Variants in EPHA5 observed in about 807,000 individuals in gnomAD.
The protein encoded by EPHA5 is ephrin type-A receptor 5.
Under a neutral mutation model 105.0 loss-of-function variants are expected in EPHA5, and 60 were observed. The observed-to-expected ratio is 0.57, with a 90% CI of 0.46 to 0.71. The LOEUF (loss-of-function observed/expected upper bound fraction) is 0.71, where lower values mean the gene tolerates loss of function less well. EPHA5 is among the 30% of genes least tolerant of loss of function. The pLI is 0.00. For missense variants in EPHA5, 1,218 were observed against 1,274.7 expected (o/e 0.96, Z 0.68); for synonymous variants, 513 against 449.1 (o/e 1.14, Z -1.80).
chr4:65,354,058 A>T (rs1487862161), intron 11 of EPHA5, among the ~76,000 whole-genome samples: 1 of 151,778 alleles, frequency 6.6e-6, no homozygotes, highest in South Asian at 2.1e-4. Context: ...GGGCAAGTCA[A>T]TTCTTATCTC....
At chr4:65,541,238 A>T (rs1238876575) in intron 3 of EPHA5, among the ~76,000 whole-genome samples, 3 of 151,808 alleles carry the variant, frequency 2.0e-5, no homozygotes, top group Non-Finnish European at 3.0e-5. Flanking sequence ...ATAGGATAAA[A>T]TTCACATATA....
At chr4:65,636,812 C>T (rs1747161925) in intron 2 of EPHA5, among the ~76,000 whole-genome samples, 4 of 151,994 alleles carry the variant, frequency 2.6e-5, no homozygotes, top group Admixed American at 1.3e-4. Context: ...GCCTTTTTCT[C>T]CTTGATTCTT....
chr4:65,355,847 G>A (rs974373746), intron 11 of EPHA5, among the ~76,000 whole-genome samples: 1 of 151,530 alleles, frequency 6.6e-6, no homozygotes, highest in African/African-American at 2.4e-5. Context: ...GAGTCAAAGG[G>A]TATGTACCTG....
At chr4:65,455,567 T>C (rs1480492356) in intron 5 of EPHA5, among the ~76,000 whole-genome samples, 1 of 152,196 alleles carries the variant, frequency 6.6e-6, no homozygotes, top group Non-Finnish European at 1.5e-5. Context: ...GCAATATCAA[T>C]GCATTCATAA....
intron 3 of EPHA5, among the ~76,000 whole-genome samples, chr4:65,525,412 T>C (rs2149289529): frequency 6.6e-6 from 1 of 151,934 alleles, no homozygotes; most frequent in African/African-American, 2.4e-5. Context: ...ATATAGCCTT[T>C]TATATATGAG....
intron 7 of EPHA5, among the ~76,000 whole-genome samples, chr4:65,405,137 A>G (rs893328224): frequency 6.6e-6 from 1 of 152,212 alleles, no homozygotes; most frequent in African/African-American, 2.4e-5. Flanking sequence ...CCTACTCTTT[A>G]TATACATAGA....
At chr4:65,399,452 C>A (rs959917861) in intron 8 of EPHA5, among the ~76,000 whole-genome samples, 1 of 152,182 alleles carries the variant, frequency 6.6e-6, no homozygotes, top group Non-Finnish European at 1.5e-5. Flanking sequence ...GCCTAACAGG[C>A]CTGAGCAAAA....
At chr4:65,474,750 T>C (rs1467917311) in intron 5 of EPHA5, among the ~76,000 whole-genome samples, 4 of 152,206 alleles carry the variant, frequency 2.6e-5, no homozygotes, top group African/African-American at 9.6e-5. Flanking sequence ...GAACGGTTAA[T>C]TATTAATAAA....
intron 2 of EPHA5, among the ~76,000 whole-genome samples, chr4:65,640,263 A>G (rs373867572): frequency 2.0e-5 from 3 of 149,328 alleles, no homozygotes; most frequent in African/African-American, 7.4e-5. Flanking sequence ...TAGACATTGA[A>G]GTCATTGCTC....
At chr4:65,624,115 C>A (rs1227084347) in intron 2 of EPHA5, among the ~76,000 whole-genome samples, 1 of 151,870 alleles carries the variant, frequency 6.6e-6, no homozygotes. Context: ...TGATACAGAT[C>A]AGAGAATAGG....
At position 65,530,179 on chromosome 4, in the gene EPHA5, T is replaced by C. The variant is rs111589212; in HGVS notation, c.911-34636A>G. Among the ~76,000 whole-genome samples, 818 of 152,158 alleles carry C rather than the reference T, an allele frequency of 5.4e-3. 8 individuals carry two copies. The highest frequency in any genetic ancestry group is 0.019 in the African/African-American group (777 of 41,528). ...GGAGGAAACTCAAGAACAACTTTTATAGAAAAAATATATGGAACTACTGGG... is the reference window on the plus strand; with the variant it reads ...GGAGGAAACTCAAGAACAACTTTTACAGAAAAAATATATGGAACTACTGGG... On this transcript the variant is annotated intron_variant, in intron 3 of 16. Transcript: ENST00000613740.
chr4:65,522,378 G>T (rs1734837584), intron 3 of EPHA5, among the ~76,000 whole-genome samples: 1 of 148,680 alleles, frequency 6.7e-6, no homozygotes, highest in African/African-American at 2.6e-5. Flanking sequence ...AACTTCTTGG[G>T]TTTTTCTCAT....
At chr4:65,370,376 T>C (rs906422152) in intron 8 of EPHA5, among the ~76,000 whole-genome samples, 5 of 152,166 alleles carry the variant, frequency 3.3e-5, no homozygotes, top group Admixed American at 1.3e-4. Flanking sequence ...ATGTTTCTCT[T>C]TAATAATATT....
chr4:65,602,940 T>C (rs141863290), intron 2 of EPHA5, among the ~76,000 whole-genome samples: 2 of 152,222 alleles, frequency 1.3e-5, no homozygotes, highest in Non-Finnish European at 2.9e-5. Context: ...TAGCTAAATA[T>C]TAATTCATAG....
intron 2 of EPHA5, among the ~76,000 whole-genome samples, chr4:65,626,050 G>T (rs1285612211): frequency 6.7e-6 from 1 of 148,370 alleles, no homozygotes; most frequent in Non-Finnish European, 1.5e-5. Flanking sequence ...GCAGTGAGCC[G>T]AGATCGCGCC....
chr4:65,394,731 A>C (rs369776948), intron 8 of EPHA5, among the ~76,000 whole-genome samples: 8 of 152,208 alleles, frequency 5.3e-5, no homozygotes, highest in African/African-American at 1.9e-4. Flanking sequence ...TTTATCAGCT[A>C]TAAATTAGAT....
intron 14 of EPHA5, among the ~76,000 whole-genome samples, chr4:65,347,324 A>G (rs1188411209): frequency 6.6e-6 from 1 of 152,218 alleles, no homozygotes. Context: ...AGCTGCTTTT[A>G]TAATTGTTGT....
chr4:65,475,887 G>A lies in EPHA5; in HGVS notation c.1402+14490C>T, dbSNP rs575069073. On this transcript the variant is annotated intron_variant, in intron 5 of 16. Coordinates refer to ENST00000613740, the MANE Select transcript of EPHA5 (RefSeq NM_001281766.3). The stretch of plus-strand genomic sequence containing the variant: ...ATAGAGCTCACAGGTGAGACAGAAA[G>A]AAGATAGCATTAACAAAATCATTGC... 3.3e-5 allele frequency among the ~76,000 whole-genome samples: 5 copies of A among 152,236 alleles called. No homozygotes were observed. In the South Asian group the frequency reaches 1.0e-3, roughly 32 times the overall value.
chr4:65,575,849 C>T (rs900158304), intron 3 of EPHA5, among the ~76,000 whole-genome samples: 4 of 151,040 alleles, frequency 2.6e-5, no homozygotes, highest in African/African-American at 4.9e-5. Flanking sequence ...TAGTGATGGG[C>T]GCCTGTAATC....
Sources: allele counts gnomAD v4.1 joint callset (sites outside exome capture counted in the v4.1 genomes callset), GRCh38; gene constraint gnomAD v4.1.1; transcripts MANE v1.5; gene names NCBI Gene and HGNC (gene_info 2026-07-23, HGNC 2026-07-21).